Variants in FEM1C observed in about 807,000 individuals in gnomAD.
FEM1C encodes the protein protein fem-1 homolog C.
In FEM1C, 15 loss-of-function variants were observed where a neutral mutation model predicts 37.6. The ratio of observed to expected loss-of-function variants is 0.40; its 90% CI spans 0.27 to 0.61. The LOEUF (loss-of-function observed/expected upper bound fraction) is 0.61, where lower values mean the gene tolerates loss of function less well. Ranked by LOEUF, FEM1C falls within the 20% of genes least tolerant of loss-of-function variation. The probability of loss-of-function intolerance (pLI) is 0.42; values close to 1 mark genes in which losing one functional copy is unlikely to be tolerated. For synonymous variants in FEM1C, 287 were observed against 272.8 expected (o/e 1.05, Z -0.51); for missense variants, 532 against 749.7 (o/e 0.71, Z 3.39).
At chr5:115,539,311 G>C (rs1368098031) in intron 2 of FEM1C, among the ~76,000 whole-genome samples, 1 of 151,970 alleles carries the variant, frequency 6.6e-6, no homozygotes. Flanking sequence ...CTTTGGATCT[G>C]CAAAGTTCTA....
chr5:115,522,546 A>T lies in FEM1C; in HGVS notation c.*1762T>A, dbSNP rs1235589477. 2 of 151,964 alleles carry T rather than the reference A, an allele frequency of 1.3e-5. 1 individual carries two copies. Among genetic ancestry groups the T allele is most frequent in the South Asian group, 4.1e-4 (2 of 4,834 alleles). The allele number at this position is 151,964 out of a possible 1,614,324, so 9.4% of individuals were successfully genotyped here. On this transcript the variant is annotated 3_prime_UTR_variant, in exon 3 of 3. Transcript: ENST00000274457. ...AAAATTAAATCTCAATTATTTAACC[A>T]AAAAGTCTAATGTTCTCTTGTTTAT...
Position 115,524,375 on chromosome 5 carries a change from T to C in FEM1C, c.1787A>G (p.Asn596Ser). Residue 596 changes from asparagine (N) to serine (S), a missense_variant, in exon 3 of 3, where the codon AAT becomes AGT. Physicochemically the swap from Asn to Ser is conservative, Grantham distance 46. This residue lies in a region of FEM1C where 237 missense variants were observed against 260.5 expected (regional missense o/e 0.91). Coordinates refer to ENST00000274457, the MANE Select transcript of FEM1C (RefSeq NM_020177.3). Reference sequence around the variant, plus strand: ...ATGCCCTTTATAATATATTCTATGATTCACTATGACACGAGCAGCAAGACA... The same window carrying C: ...ATGCCCTTTATAATATATTCTATGACTCACTATGACACGAGCAGCAAGACA... ...LQCLAARVIVNHRIYYKGHIP... is the reference protein window; with the variant it reads ...LQCLAARVIVSHRIYYKGHIP... The C allele has an allele frequency of 6.2e-7, 1 of 1,613,520 alleles. No individual in the cohort carries two copies. Among genetic ancestry groups the C allele is most frequent in the Non-Finnish European group, 8.5e-7 (1 of 1,179,666 alleles).
At position 115,522,938 on chromosome 5, in the gene FEM1C, TGAGTGAGAGA is replaced by T. The variant is rs1405704898; in HGVS notation, c.*1360_*1369del. ...TGGCATTAGCAAATCTGTGAGTGAG[TGAGTGAGAGA>T]GAGAGAGAGAGAGAAAGAGAAAGAG... On this transcript the variant is annotated 3_prime_UTR_variant, in exon 3 of 3. Coordinates refer to ENST00000274457, the MANE Select transcript of FEM1C (RefSeq NM_020177.3). 6.7e-6 allele frequency: 1 copy of T among 148,476 alleles called. No individual in the cohort carries two copies. Among genetic ancestry groups the T allele is most frequent in the East Asian group, 2.0e-4 (1 of 5,092 alleles). The allele number at this position is 148,476 out of a possible 1,614,324, so 9.2% of individuals were successfully genotyped here.
chr5:115,529,615 A>C (rs1287199453), intron 2 of FEM1C, among the ~76,000 whole-genome samples: 4 of 152,076 alleles, frequency 2.6e-5, no homozygotes, highest in Admixed American at 6.5e-5. Context: ...AAAAAGGGTA[A>C]ATTTGTGAGT....
intron 2 of FEM1C, among the ~76,000 whole-genome samples, chr5:115,536,458 T>G (rs1754130268): frequency 6.6e-6 from 1 of 151,818 alleles, no homozygotes; most frequent in Non-Finnish European, 1.5e-5. Context: ...GTGGTCCACT[T>G]GTAAGATGAG....
chr5:115,543,832 A>C, intron 1 of FEM1C, 149 bp from the exon 2 acceptor site: 2 of 1,048,888 alleles, frequency 1.9e-6, no homozygotes, highest in Non-Finnish European at 2.3e-6. Context: ...CCCCAAAGAA[A>C]AGGTGGTAAA....
At position 115,521,663 on chromosome 5, in the gene FEM1C, C is replaced by T. The variant is rs1336079160; in HGVS notation, c.*2645G>A. The T allele has an allele frequency of 6.6e-6, 1 of 151,798 alleles. No individual in the cohort carries two copies. The highest frequency in any genetic ancestry group is 1.9e-4 in the East Asian group (1 of 5,186). 9.4% of individuals were successfully genotyped at this position (151,798 alleles called of 1,614,324 possible). A position where few individuals can be genotyped will look rare whatever the true frequency, so the allele number is the denominator to read the frequency against. On this transcript the variant is annotated 3_prime_UTR_variant, in exon 3 of 3. Transcript: ENST00000274457. Reference sequence around the variant, plus strand: ...CTTACACATTAACTCCAGTCAATAACACCGTGCTACAGTGTACAGTTTAGT... The same window carrying T: ...CTTACACATTAACTCCAGTCAATAATACCGTGCTACAGTGTACAGTTTAGT...
intron 2 of FEM1C, among the ~76,000 whole-genome samples, chr5:115,540,304 T>C (rs1007928393): frequency 2.6e-5 from 4 of 151,978 alleles, no homozygotes; most frequent in Admixed American, 1.3e-4. Flanking sequence ...CCCCCAACAT[T>C]CATGAAGAAT....
chr5:115,528,134 CA>C (rs1272238852), intron 2 of FEM1C, among the ~76,000 whole-genome samples: 2 of 147,596 alleles, frequency 1.4e-5, no homozygotes, highest in African/African-American at 5.0e-5. Flanking sequence ...TTTAAAAAAA[CA>C]AACAATAAGG....
intron 2 of FEM1C, among the ~76,000 whole-genome samples, chr5:115,532,618 G>C (rs1754040466): frequency 6.6e-6 from 1 of 150,730 alleles, no homozygotes; most frequent in African/African-American, 2.4e-5. Context: ...AGTATGCTTT[G>C]ACAAAGTTAT....
At position 115,524,327 on chromosome 5, in the gene FEM1C, A is replaced by G; in HGVS notation, c.1835T>C (p.Phe612Ser). Residue 612 changes from phenylalanine to serine, a missense_variant, in exon 3 of 3, where the codon TTT becomes TCT. By Grantham distance (155) the Phe-to-Ser change is radical. Coordinates refer to ENST00000274457, the MANE Select transcript of FEM1C (RefSeq NM_020177.3). ...KGHIPEKLET[F>S]VSLHR ...AAGTTATCATCTATGAAGGGAAACA[A>G]AAGTCTCTAGCTTTTCTGGGATATG... 6.2e-7 allele frequency: 1 copy of G among 1,613,230 alleles called. No individual in the cohort carries two copies. Among genetic ancestry groups the G allele is most frequent in the Non-Finnish European group, 8.5e-7 (1 of 1,179,500 alleles).
rs150314818 is a variant in FEM1C at position 115,532,289 on chromosome 5, GA to G, written c.545-6673del. 4.3e-3 allele frequency among the ~76,000 whole-genome samples: 657 copies of G among 152,122 alleles called. 4 individuals are homozygous for G. Among genetic ancestry groups the G allele is most frequent in the African/African-American group, 0.015 (633 of 41,516 alleles). ...CAGATCCTATATTTCTTATATCCCA[GA>G]AGCAACTAGCAACCTGCTAAAGCTA... is the stretch of plus-strand genomic sequence containing the variant. On this transcript the variant is annotated intron_variant, in intron 2 of 2. Transcript: ENST00000274457.
rs759973236 is a variant in FEM1C at position 115,543,227 on chromosome 5, G to A, written c.267C>T (p.Ala89=). The A allele has an allele frequency of 1.7e-5, 27 of 1,614,028 alleles. No homozygotes were observed. The highest frequency in any genetic ancestry group is 8.8e-5 in the South Asian group (8 of 91,084). Residue 89 remains alanine (A), a synonymous_variant, in exon 2 of 3, where the codon GCC becomes GCT. Coordinates refer to ENST00000274457, the MANE Select transcript of FEM1C (RefSeq NM_020177.3). The stretch of plus-strand genomic sequence containing the variant: ...CCTTCAGATGTCCTGCTGCAGAAGC[G>A]GCCCATAAAGGGGGAGCCCCCTCAA... The part of the protein sequence containing the change: ...ETIEGAPPLW[A]ASAAGHLKVV...
intron 2 of FEM1C, among the ~76,000 whole-genome samples, chr5:115,532,370 C>T (rs1490093344): frequency 6.6e-6 from 1 of 152,020 alleles, no homozygotes; most frequent in African/African-American, 2.4e-5. Context: ...TCAATCTTAG[C>T]TTTTGCAGAC....
At chr5:115,535,338 C>T (rs1754103570) in intron 2 of FEM1C, among the ~76,000 whole-genome samples, 1 of 145,934 alleles carries the variant, frequency 6.9e-6, no homozygotes, top group Admixed American at 6.8e-5. Context: ...AATGATATAT[C>T]TGATAAAAGA....
chr5:115,528,863 A>G (rs1207874599), intron 2 of FEM1C, among the ~76,000 whole-genome samples: 1 of 152,124 alleles, frequency 6.6e-6, no homozygotes, highest in Non-Finnish European at 1.5e-5. Flanking sequence ...TAAAATTGAG[A>G]ATTCAACAGA....
intron 2 of FEM1C, among the ~76,000 whole-genome samples, chr5:115,529,794 C>G (rs1753978650): frequency 6.6e-6 from 1 of 151,754 alleles, no homozygotes; most frequent in African/African-American, 2.4e-5. Flanking sequence ...TTTATGTTAG[C>G]CTTTGATAAG....
intron 2 of FEM1C, among the ~76,000 whole-genome samples, chr5:115,528,937 G>A (rs1753960790): frequency 6.6e-6 from 1 of 152,034 alleles, no homozygotes; most frequent in Non-Finnish European, 1.5e-5. Context: ...CTTTAAAAGT[G>A]GATTTACACA....
intron 2 of FEM1C, among the ~76,000 whole-genome samples, chr5:115,538,974 C>T (rs1461330123): frequency 6.6e-6 from 1 of 151,944 alleles, no homozygotes; most frequent in South Asian, 2.1e-4. Context: ...GTCAGTACAC[C>T]CGCTCTAAAA....
Sources: allele counts gnomAD v4.1 joint callset (sites outside exome capture counted in the v4.1 genomes callset), GRCh38; gene constraint gnomAD v4.1.1; regional missense constraint gnomAD v4.1.1; transcripts MANE v1.5; gene names NCBI Gene and HGNC (gene_info 2026-07-23, HGNC 2026-07-21).